MIS18A: variants seen among roughly 807,000 people sequenced by gnomAD.
MIS18A encodes protein Mis18-alpha.
MIS18A carries 14 observed loss-of-function variants against 25.0 expected under a neutral mutation model. The observed-to-expected ratio is 0.56, with a 90% CI of 0.37 to 0.88. The LOEUF (loss-of-function observed/expected upper bound fraction) is 0.88, where lower values mean the gene tolerates loss of function less well. Ranked by LOEUF, MIS18A falls within the 40% of genes least tolerant of loss-of-function variation. The pLI, the probability that MIS18A is intolerant of heterozygous loss-of-function variation, is 0.00. For missense variants in MIS18A, 292 were observed against 290.8 expected (o/e 1.00, Z -0.03); for synonymous variants, 134 against 118.6 (o/e 1.13, Z -0.84).
the MIS18A span, among the ~76,000 whole-genome samples, chr21:32,206,389 C>T: frequency 1.4e-4 from 22 of 152,126 alleles, no homozygotes; most frequent in East Asian, 7.7e-4. Flanking sequence ...AGACTGGAGC[C>T]GGGTGGTCAG....
chr21:32,219,972 C>T, the MIS18A span, among the ~76,000 whole-genome samples: 2 of 152,316 alleles, frequency 1.3e-5, no homozygotes, highest in African/African-American at 2.4e-5. Context: ...GGTAGCAGCC[C>T]CAGTCAGGTG....
At chr21:32,212,208 C>T in the MIS18A span, among the ~76,000 whole-genome samples, 48 of 152,244 alleles carry the variant, frequency 3.2e-4, no homozygotes, top group African/African-American at 1.0e-3. Context: ...CTTCCTCTTA[C>T]GTAAAGTTGT....
chr21:32,244,817 A>G, the MIS18A span, among the ~76,000 whole-genome samples: 17 of 152,228 alleles, frequency 1.1e-4, no homozygotes, highest in Non-Finnish European at 1.9e-4. Context: ...CAAAGATGGA[A>G]GGATTTTATA....
downstream of MIS18A, among the ~76,000 whole-genome samples, chr21:32,268,014 G>T (rs928767103): frequency 4.6e-5 from 7 of 152,128 alleles, no homozygotes; most frequent in African/African-American, 1.7e-4. Context: ...AGGGAACTTC[G>T]GAGCAAACGC....
the MIS18A span, among the ~76,000 whole-genome samples, chr21:32,168,955 T>TG: frequency 6.6e-6 from 1 of 152,172 alleles, no homozygotes; most frequent in South Asian, 2.1e-4. Context: ...TCTGGATTGA[T>TG]GGGGCCCTCC....
the MIS18A span, among the ~76,000 whole-genome samples, chr21:32,238,950 G>GA: frequency 3.6e-4 from 54 of 150,024 alleles, no homozygotes; most frequent in African/African-American, 1.2e-3. Flanking sequence ...TTTCTTGGGG[G>GA]AAAAAAAAAT....
chr21:32,274,257 A>G (rs1376062742), intron 2 of MIS18A, among the ~76,000 whole-genome samples: 4 of 119,046 alleles, frequency 3.4e-5, no homozygotes, highest in Non-Finnish European at 1.6e-5. Context: ...CCCAGGCTGC[A>G]GTGCACTGGC....
chr21:32,164,946 T>C, the MIS18A span, among the ~76,000 whole-genome samples: 1 of 152,222 alleles, frequency 6.6e-6, no homozygotes, highest in Non-Finnish European at 1.5e-5. Flanking sequence ...GCATGGTCAC[T>C]ACTACATATC....
the MIS18A span, among the ~76,000 whole-genome samples, chr21:32,175,836 A>T: frequency 1.5e-5 from 2 of 137,652 alleles, no homozygotes; most frequent in African/African-American, 5.8e-5. Context: ...AAAACAAAAC[A>T]ACACATTTTA....
At chr21:32,194,689 A>T in the MIS18A span, among the ~76,000 whole-genome samples, 3 of 152,252 alleles carry the variant, frequency 2.0e-5, no homozygotes, top group South Asian at 6.2e-4. Flanking sequence ...ATAGATATAG[A>T]CACCATGGAA....
rs137956287 is a variant in MIS18A, at chr21:32,271,157, C to T, written c.402-628G>A. ...AAGCCTATTCATGTCTCCTTAAAAC[C>T]TGGCTTAGAATCCAGTGTCTCCCAA... On this transcript the variant is annotated intron_variant, in intron 2 of 4. Coordinates refer to ENST00000290130, the MANE Select transcript of MIS18A (RefSeq NM_018944.3). Among the ~76,000 whole-genome samples the T allele has an allele frequency of 1.4e-3, 218 of 152,326 alleles. 1 individual carries two copies. The highest frequency in any genetic ancestry group is 5.0e-3 in the African/African-American group (208 of 41,578).
At chr21:32,197,260 C>A in the MIS18A span, among the ~76,000 whole-genome samples, 1 of 151,530 alleles carries the variant, frequency 6.6e-6, no homozygotes, top group African/African-American at 2.4e-5. Flanking sequence ...AAAGACATTA[C>A]CCTTTGGTAG....
At chr21:32,210,175 C>T in the MIS18A span, among the ~76,000 whole-genome samples, 2 of 152,114 alleles carry the variant, frequency 1.3e-5, no homozygotes, top group African/African-American at 2.4e-5. Flanking sequence ...TGATCTTAGG[C>T]AAGTTACTTA....
At chr21:32,162,764 T>C in the MIS18A span, among the ~76,000 whole-genome samples, 2 of 152,094 alleles carry the variant, frequency 1.3e-5, no homozygotes, top group African/African-American at 2.4e-5. Context: ...TGGAAGAGTA[T>C]ATAACAATCT....
chr21:32,165,365 C>T, the MIS18A span, among the ~76,000 whole-genome samples: 3 of 148,886 alleles, frequency 2.0e-5, no homozygotes, highest in South Asian at 4.3e-4. Flanking sequence ...ACAAAATAAT[C>T]AAAAATCCTC....
At chr21:32,249,094 C>T in the MIS18A span, among the ~76,000 whole-genome samples, 2 of 152,172 alleles carry the variant, frequency 1.3e-5, no homozygotes, top group African/African-American at 4.8e-5. Flanking sequence ...CCAGGCTGAT[C>T]GAGACTCTGA....
chr21:32,202,146 G>A, the MIS18A span, among the ~76,000 whole-genome samples: 1 of 151,828 alleles, frequency 6.6e-6, no homozygotes, highest in African/African-American at 2.4e-5. Flanking sequence ...AAAATTAGCT[G>A]GGCGTGGTGA....
the MIS18A span, among the ~76,000 whole-genome samples, chr21:32,189,528 C>A: frequency 6.6e-6 from 1 of 152,210 alleles, no homozygotes; most frequent in Non-Finnish European, 1.5e-5. Flanking sequence ...ATCCACCTGC[C>A]TTGGTCTACC....
At chr21:32,255,513 G>A in the MIS18A span, among the ~76,000 whole-genome samples, 9 of 151,328 alleles carry the variant, frequency 5.9e-5, no homozygotes, top group Non-Finnish European at 7.4e-5. Context: ...GATTACGGGC[G>A]TGAGCCACCG....
Sources: gnomAD v4.1 joint callset for allele counts (sites outside exome capture counted in the v4.1 genomes callset) on GRCh38, gnomAD v4.1.1 for gene constraint, MANE v1.5 for transcripts, NCBI Gene and HGNC (gene_info 2026-07-23, HGNC 2026-07-21) for gene names.